The following PCBP3 variants were observed in gnomAD, a reference collection of about 807,000 sequenced individuals.
PCBP3 encodes the protein poly(rC) binding protein 3, also known as poly(rC)-binding protein 3.
PCBP3 carries 25 observed loss-of-function variants against 52.7 expected under a neutral mutation model. The ratio of observed to expected loss-of-function variants is 0.47; its 90% confidence interval spans 0.35 to 0.66. The LOEUF (loss-of-function observed/expected upper bound fraction) is 0.66. PCBP3 is among the 30% of genes least tolerant of loss of function. The pLI is 0.01. For missense variants in PCBP3, 391 were observed against 490.3 expected (o/e 0.80, Z 1.91); for synonymous variants, 162 against 183.0 (o/e 0.89, Z 0.93).
At chr21:45,840,498 T>G (rs549916157) in intron 4 of PCBP3, among the ~76,000 whole-genome samples, 76 of 151,992 alleles carry the variant, frequency 5.0e-4, no homozygotes, top group African/African-American at 1.6e-3. Flanking sequence ...CTAATTTAAT[T>G]TATTGAAGAA....
At chr21:45,898,310 T>TCCCTCTGCACACCGTCCTCACGGC (rs1569466357) in intron 6 of PCBP3, among the ~76,000 whole-genome samples, 2 of 70,034 alleles carry the variant, frequency 2.9e-5, no homozygotes, top group African/African-American at 1.3e-4. Context: ...GTCCTCACAG[T>TCCCTCTGCACACCGTCCTCACGGC]CTCCCTCTGC....
At chr21:45,828,033 A>G (rs1428228201) in intron 4 of PCBP3, 4 of 152,268 alleles carry the variant, frequency 2.6e-5, no homozygotes, top group Non-Finnish European at 5.9e-5. Flanking sequence ...CCCCTTCCCA[A>G]GCAACTAGTG....
chr21:45,697,989 C>T (rs2082888570), intron 2 of PCBP3, among the ~76,000 whole-genome samples: 2 of 151,932 alleles, frequency 1.3e-5, no homozygotes, highest in African/African-American at 4.8e-5. Flanking sequence ...CCATCTGGCC[C>T]ATCCACCTTC....
At chr21:45,747,420 G>T (rs979173417) in intron 3 of PCBP3, among the ~76,000 whole-genome samples, 1 of 152,214 alleles carries the variant, frequency 6.6e-6, no homozygotes, top group Non-Finnish European at 1.5e-5. Flanking sequence ...GCACCAGGCC[G>T]CGGGGTGAGC....
intron 4 of PCBP3, among the ~76,000 whole-genome samples, chr21:45,787,439 G>A (rs989808210): frequency 6.6e-6 from 1 of 151,566 alleles, no homozygotes; most frequent in Non-Finnish European, 1.5e-5. Context: ...ATAGAGACTA[G>A]GTCTCCCTGT....
At chr21:45,646,323 C>A (rs2079311222) in intron 1 of PCBP3, among the ~76,000 whole-genome samples, 1 of 151,734 alleles carries the variant, frequency 6.6e-6, no homozygotes, top group South Asian at 2.1e-4. Flanking sequence ...ATTCAATTTC[C>A]TTTGCTTAGT....
chr21:45,778,313 T>G (rs2090398823), intron 4 of PCBP3, among the ~76,000 whole-genome samples: 1 of 152,134 alleles, frequency 6.6e-6, no homozygotes, highest in Non-Finnish European at 1.5e-5. Context: ...GAGGCAGCAT[T>G]GGATTGAGCG....
intron 2 of PCBP3, among the ~76,000 whole-genome samples, chr21:45,684,204 G>C (rs2082022518): frequency 6.6e-6 from 1 of 152,126 alleles, no homozygotes; most frequent in Admixed American, 6.5e-5. Context: ...CTCTAGCCTG[G>C]GTGACAGTGA....
At chr21:45,902,605 C>T (rs1179126579) in intron 9 of PCBP3, among the ~76,000 whole-genome samples, 1 of 152,214 alleles carries the variant, frequency 6.6e-6, no homozygotes, top group East Asian at 1.9e-4. Context: ...GAAACAAGAA[C>T]AACCCAGTCC....
At chr21:45,902,287 AG>A (rs2096077229) in intron 9 of PCBP3, among the ~76,000 whole-genome samples, 1 of 52,378 alleles carries the variant, frequency 1.9e-5, no homozygotes, top group Non-Finnish European at 3.5e-5. Context: ...CCCCTATCGT[AG>A]GTGGCCTGGC....
At chr21:45,699,844 A>G (rs2083001687) in intron 2 of PCBP3, among the ~76,000 whole-genome samples, 1 of 152,176 alleles carries the variant, frequency 6.6e-6, no homozygotes. Flanking sequence ...CTCCCACAAC[A>G]TGTGGGAGTT....
intron 1 of PCBP3, among the ~76,000 whole-genome samples, chr21:45,658,240 A>G (rs1230688711): frequency 6.6e-6 from 1 of 152,178 alleles, no homozygotes; most frequent in Admixed American, 6.5e-5. Context: ...AATTCCCTAG[A>G]TAAATCCCAC....
chr21:45,680,963 A>G (rs2081802585), intron 2 of PCBP3, among the ~76,000 whole-genome samples: 1 of 152,244 alleles, frequency 6.6e-6, no homozygotes, highest in Non-Finnish European at 1.5e-5. Context: ...CTCAAGATCA[A>G]GGTCCCAGCA....
intron 15 of PCBP3, among the ~76,000 whole-genome samples, chr21:45,933,852 G>A (rs569742703): frequency 6.6e-6 from 1 of 152,314 alleles, no homozygotes; most frequent in Non-Finnish European, 1.5e-5. Context: ...AGGTGGCATT[G>A]TGGACAAACT....
chr21:45,878,744 T>TA (rs1170925652), intron 5 of PCBP3, among the ~76,000 whole-genome samples: 3 of 152,202 alleles, frequency 2.0e-5, no homozygotes, highest in African/African-American at 2.4e-5. Context: ...ACTGGAGTGT[T>TA]ACGACAATAT....
chr21:45,940,260 C>A, intron 17 of PCBP3, 61 bp downstream of exon 17: 6 of 1,480,528 alleles, frequency 4.1e-6, no homozygotes, highest in South Asian at 2.4e-5. Context: ...GCCGGCGTTA[C>A]ATCACCTGGA....
At chr21:45,713,817 A>G (rs938691491) in intron 2 of PCBP3, among the ~76,000 whole-genome samples, 2 of 152,114 alleles carry the variant, frequency 1.3e-5, no homozygotes, top group African/African-American at 4.8e-5. Context: ...AACTTTCCCA[A>G]AGGAGGAGCC....
intron 4 of PCBP3, among the ~76,000 whole-genome samples, chr21:45,812,825 A>AT (rs1306030156): frequency 6.6e-6 from 1 of 151,960 alleles, no homozygotes; most frequent in Non-Finnish European, 1.5e-5. Flanking sequence ...AGGTTTTGGG[A>AT]TTTTTTGCCC....
intron 4 of PCBP3, among the ~76,000 whole-genome samples, chr21:45,836,749 T>C (rs2093598628): frequency 6.6e-6 from 1 of 152,074 alleles, no homozygotes. Context: ...AAAATAATTT[T>C]ATTTTATTAC....
Sources: allele counts gnomAD v4.1 joint callset (sites outside exome capture counted in the v4.1 genomes callset), GRCh38; gene constraint gnomAD v4.1.1; transcripts MANE v1.5; gene names NCBI Gene and HGNC (gene_info 2026-07-23, HGNC 2026-07-21).